The following MGMT variants were observed in gnomAD, a reference collection of about 807,000 sequenced individuals.
MGMT encodes methylated-DNA--protein-cysteine methyltransferase.
Under a neutral mutation model 15.9 loss-of-function variants are expected in MGMT, and 14 were observed. The ratio of observed to expected loss-of-function variants is 0.88; its 90% CI spans 0.58 to 1.37. The LOEUF is 1.37. MGMT is among the 40% of genes most tolerant of loss of function. MGMT has a pLI of 0.00. For missense variants in MGMT, 282 were observed against 268.1 expected (o/e 1.05, Z -0.36); for synonymous variants, 130 against 118.2 (o/e 1.10, Z -0.65).
In MGMT at chr10:129,768,461, G is replaced by A. The variant is rs1325982686; in HGVS notation, c.*1464G>A. Reference sequence around the variant, plus strand: ...TCCTGGCAGGCCTCAGGTGCCGCACGCCGCGTCACCGTCAGGACTCGCAGG... The same window carrying A: ...TCCTGGCAGGCCTCAGGTGCCGCACACCGCGTCACCGTCAGGACTCGCAGG... On this transcript the variant is annotated 3_prime_UTR_variant, in exon 5 of 5. Transcript: ENST00000651593. 1.3e-5 allele frequency among the ~76,000 whole-genome samples: 2 copies of A among 152,230 alleles called. No homozygotes were observed. Among genetic ancestry groups the A allele is most frequent in the African/African-American group, 2.4e-5 (1 of 41,468 alleles).
At position 129,659,358 on chromosome 10, in the gene MGMT, G is replaced by GAAAAAAAAAA. The variant is rs10644344; in HGVS notation, c.126-48537_126-48536insAAAAAAAAAA. ...GGTGGCAGAGCGAGACTCCCTGTGT[G>GAAAAAAAAAA]GAAAAAAAAAAAAAAGATACTCAGA... On this transcript the variant is annotated intron_variant, in intron 2 of 4. Transcript: ENST00000651593. The surrounding 1 kb of genome is among the most constrained non-coding windows in gnomAD (Gnocchi z 4.1). Among the ~76,000 whole-genome samples the GAAAAAAAAAA allele has an allele frequency of 8.2e-5, 12 of 147,040 alleles. No individual in the cohort carries two copies. The highest frequency in any genetic ancestry group is 2.9e-4 in the African/African-American group (11 of 37,798).
intron 2 of MGMT, among the ~76,000 whole-genome samples, chr10:129,552,709 G>A (rs1846171239): frequency 6.6e-6 from 1 of 152,198 alleles, no homozygotes; most frequent in African/African-American, 2.4e-5. Flanking sequence ...CTGATGGCAG[G>A]GAGAGGCTGG....
At chr10:129,763,200 A>G (rs955156183) in intron 4 of MGMT, among the ~76,000 whole-genome samples, 23 of 152,228 alleles carry the variant, frequency 1.5e-4, no homozygotes, top group African/African-American at 4.1e-4. Context: ...CTGTGATATT[A>G]TGAGCTTCTT....
intron 1 of MGMT, among the ~76,000 whole-genome samples, chr10:129,473,830 C>T (rs1430091324): frequency 4.6e-5 from 7 of 152,286 alleles, no homozygotes; most frequent in South Asian, 2.1e-4. Context: ...GCTGTCCCTG[C>T]GTGTGCCTTG....
chr10:129,589,206 A>G (rs1846652984), intron 2 of MGMT, among the ~76,000 whole-genome samples: 1 of 152,240 alleles, frequency 6.6e-6, no homozygotes, highest in African/African-American at 2.4e-5. Flanking sequence ...CATGGAGCCT[A>G]GTGCCAACAG....
chr10:129,761,253 G>C (rs1414636951), intron 4 of MGMT, among the ~76,000 whole-genome samples: 1 of 152,148 alleles, frequency 6.6e-6, no homozygotes, highest in East Asian at 1.9e-4. Flanking sequence ...TGCCCCCCGA[G>C]GAGAGTAAGT....
At chr10:129,595,388 G>A (rs1846739490) in intron 2 of MGMT, among the ~76,000 whole-genome samples, 1 of 152,148 alleles carries the variant, frequency 6.6e-6, no homozygotes, top group African/African-American at 2.4e-5. Context: ...CGTCTTCTTT[G>A]TTCATGCCCG....
chr10:129,720,546 G>A (rs1318794009), intron 3 of MGMT, among the ~76,000 whole-genome samples: 5 of 152,338 alleles, frequency 3.3e-5, no homozygotes, highest in Non-Finnish European at 5.9e-5. Flanking sequence ...TACAGTTATG[G>A]ACAAAATGGA....
intron 2 of MGMT, among the ~76,000 whole-genome samples, chr10:129,585,611 A>G (rs1846609447): frequency 6.6e-6 from 1 of 152,216 alleles, no homozygotes. Flanking sequence ...CCTAATGCCT[A>G]GATATCACTT....
chr10:129,531,177 A>T (rs1352648547), intron 1 of MGMT, among the ~76,000 whole-genome samples: 1 of 151,878 alleles, frequency 6.6e-6, no homozygotes, highest in Non-Finnish European at 1.5e-5. Context: ...ATTGGTGAAG[A>T]TCCTGATGGG....
At chr10:129,744,131 T>C (rs1848667524) in intron 3 of MGMT, among the ~76,000 whole-genome samples, 2 of 152,326 alleles carry the variant, frequency 1.3e-5, no homozygotes, top group African/African-American at 4.8e-5. Context: ...GCAGTGGTGG[T>C]GTCCTGTCCT....
At chr10:129,676,200 G>T (rs1338566019) in intron 2 of MGMT, among the ~76,000 whole-genome samples, 1 of 152,206 alleles carries the variant, frequency 6.6e-6, no homozygotes, top group Non-Finnish European at 1.5e-5. Flanking sequence ...TTTCCCCAGG[G>T]CATTGGGCCG....
At chr10:129,535,099 T>G (rs1478896528) in intron 1 of MGMT, among the ~76,000 whole-genome samples, 1 of 152,174 alleles carries the variant, frequency 6.6e-6, no homozygotes, top group African/African-American at 2.4e-5. Flanking sequence ...AGCCCCTTGA[T>G]GTAGGGAGCC....
intron 1 of MGMT, among the ~76,000 whole-genome samples, chr10:129,481,267 T>C (rs941371881): frequency 6.6e-6 from 1 of 152,248 alleles, no homozygotes; most frequent in Non-Finnish European, 1.5e-5. Flanking sequence ...ATAACTCTCA[T>C]TGGTTTCCAT....
intron 2 of MGMT, among the ~76,000 whole-genome samples, chr10:129,617,148 C>T (rs999495447): frequency 5.3e-5 from 8 of 152,092 alleles, no homozygotes; most frequent in African/African-American, 1.7e-4. Flanking sequence ...AAGTAGGCAC[C>T]GTTGTCTGCT....
rs118041361 is a variant in MGMT, at chr10:129,769,717, G to T, written c.*2720G>T. Among the ~76,000 whole-genome samples, 2 of 152,154 alleles carry T rather than the reference G, an allele frequency of 1.3e-5. No individual in the cohort carries two copies. Among genetic ancestry groups the T allele is most frequent in the African/African-American group, 4.8e-5 (2 of 41,420 alleles). On this transcript the variant is annotated 3_prime_UTR_variant, in exon 5 of 5. Transcript: ENST00000651593. ...TGTCCTTCTCCCAGTCTCTCTTCCC[G>T]CTGGGAACAGAAGTGTCCAGTAAAC...
intron 1 of MGMT, among the ~76,000 whole-genome samples, chr10:129,517,171 G>A (rs1402685740): frequency 2.6e-5 from 4 of 152,206 alleles, no homozygotes; most frequent in African/African-American, 9.6e-5. Context: ...CTCCGCTTGG[G>A]GGTTTCTGGT....
intron 2 of MGMT, among the ~76,000 whole-genome samples, chr10:129,600,918 T>C (rs1273100349): frequency 2.6e-5 from 4 of 152,230 alleles, no homozygotes; most frequent in African/African-American, 9.7e-5. Flanking sequence ...TATTTCAAAA[T>C]ACTCCTAGTT....
chr10:129,712,830 T>C (rs1342899298), intron 3 of MGMT, among the ~76,000 whole-genome samples: 1 of 152,110 alleles, frequency 6.6e-6, no homozygotes, highest in African/African-American at 2.4e-5. Context: ...TACAACCCCA[T>C]CCTGCTGCCT....
Sources: allele counts gnomAD v4.1 joint callset (sites outside exome capture counted in the v4.1 genomes callset), GRCh38; gene constraint gnomAD v4.1.1; non-coding constraint Gnocchi (gnomAD v3.1); transcripts MANE v1.5; gene names NCBI Gene and HGNC (gene_info 2026-07-23, HGNC 2026-07-21).